The following CR2 variants were observed in gnomAD, a reference collection of about 807,000 sequenced individuals.
CR2 encodes complement receptor type 2.
Under a neutral mutation model 123.0 loss-of-function variants are expected in CR2, and 96 were observed. That is an observed-to-expected ratio of 0.78 (90% CI 0.66 to 0.93). The LOEUF is 0.93. Ranked by LOEUF, CR2 falls within the 40% of genes least tolerant of loss-of-function variation. CR2 has a pLI of 0.00. For missense variants in CR2, 1,258 were observed against 1,361.0 expected, an observed-to-expected ratio of 0.92 and a Z score of 1.19; for synonymous variants, 484 against 469.5, an observed-to-expected ratio of 1.03 and a Z score of -0.40.
rs1658335489 is a variant in CR2, at chr1:207,473,173, G to A, written c.1972G>A (p.Glu658Lys). 1.2e-6 allele frequency: 2 copies of A among 1,613,498 alleles called. No homozygotes were observed. The highest frequency in any genetic ancestry group is 8.5e-7 in the Non-Finnish European group (1 of 1,179,838). Residue 658 changes from glutamate to lysine, a missense_variant, in exon 10 of 20, where the codon GAA (glutamate) becomes AAA (lysine). Glu to Lys is a moderately conservative substitution (Grantham distance 56). Coordinates refer to ENST00000367057, the MANE Select transcript of CR2 (RefSeq NM_001006658.3). Reference sequence around the variant, plus strand: ...CTGGGATCCTGAAATACCAGTTTGTGAAAAAGGTAAAAACCCAATAAGGGG... The same window carrying A: ...CTGGGATCCTGAAATACCAGTTTGTAAAAAAGGTAAAAACCCAATAAGGGG... ...NTWDPEIPVC[E>K]KGCQSPPGLH...
Position 207,473,046 on chromosome 1 carries a change from C to T in CR2, c.1845C>T (p.Gly615=). 1 of 1,613,972 alleles carries T rather than the reference C, an allele frequency of 6.2e-7. No individual in the cohort carries two copies. The highest frequency in any genetic ancestry group is 1.1e-5 in the South Asian group (1 of 91,078). ...TTGCAAATGGATACAAGATATCTGG[C>T]AAGGAAGCCCCATATTTCTACAATG... ...VHIANGYKIS[G]KEAPYFYNDT... is the part of the protein sequence containing the mutation. Residue 615 remains glycine, a synonymous_variant, in exon 10 of 20, where the codon GGC becomes GGT. Coordinates refer to ENST00000367057, the MANE Select transcript of CR2 (RefSeq NM_001006658.3).
At chr1:207,476,546 T>A in intron 15 of CR2, 127 bp downstream of exon 15, 1 of 803,458 alleles carries the variant, frequency 1.2e-6, no homozygotes, top group Non-Finnish European at 2.0e-6. Flanking sequence ...TTAAAGGCTT[T>A]AATTAGATTA....
At position 207,468,841 on chromosome 1, in the gene CR2, G is replaced by C; in HGVS notation, c.676G>C (p.Val226Leu). 1 of 1,614,032 alleles carries C rather than the reference G, an allele frequency of 6.2e-7. No homozygotes were observed. The highest frequency in any genetic ancestry group is 1.1e-5 in the South Asian group (1 of 91,086). ...KSLGRFPNGK[V>L]KEPPILRVGV... ...TCTAGGACGATTTCCCAATGGGAAG[G>C]TAAAGGAGCCTCCAATTCTCCGGGT... Residue 226 changes from valine to leucine, a missense_variant, in exon 4 of 20, where the codon GTA (valine) becomes CTA (leucine). Coordinates refer to ENST00000367057, the MANE Select transcript of CR2 (RefSeq NM_001006658.3).
rs1658244060 is a variant in CR2 at position 207,470,657 on chromosome 1, A to G, written c.1226-83A>G. ...GCTGACGCCAGAGTGGAATTATAGC[A>G]TGAATATCAATTTCTTTGGCTCAGT... On this transcript the variant is annotated intron_variant, in intron 6 of 19. Coordinates refer to ENST00000367057, the MANE Select transcript of CR2 (RefSeq NM_001006658.3). The G allele has an allele frequency of 2.2e-6, 3 of 1,345,030 alleles. No homozygotes were observed. In the East Asian group the frequency reaches 6.9e-5, roughly 31 times the overall value. The allele number at this position is 1,345,030 out of a possible 1,614,324, so 83.3% of individuals were successfully genotyped here.
At chr1:207,458,974 A>T (rs1490157617) in intron 1 of CR2, among the ~76,000 whole-genome samples, 1 of 152,052 alleles carries the variant, frequency 6.6e-6, no homozygotes, top group Non-Finnish European at 1.5e-5. Context: ...CTAAAAAAAA[A>T]AGATATTTGT....
chr1:207,462,314 C>A (rs1226901884), intron 1 of CR2, among the ~76,000 whole-genome samples: 1 of 152,012 alleles, frequency 6.6e-6, no homozygotes, highest in East Asian at 1.9e-4. Context: ...ATAAATGCTA[C>A]CTAGAAGAAT....
chr1:207,474,277 A>G lies in CR2; in HGVS notation c.2277A>G (p.Gln759=). The G allele has an allele frequency of 6.2e-7, 1 of 1,613,648 alleles. No individual in the cohort carries two copies. Among genetic ancestry groups the G allele is most frequent in the Non-Finnish European group, 8.5e-7 (1 of 1,179,626 alleles). ...CTGGACATGCTTATCAGATGTGTCAAGATGCTGAAAATGGAATTTGGTTCA... is the reference window on the plus strand; with the variant it reads ...CTGGACATGCTTATCAGATGTGTCAGGATGCTGAAAATGGAATTTGGTTCA... ...QLTGHAYQMC[Q]DAENGIWFKK... is the part of the protein sequence containing the mutation. The change falls in exon 13 of 20, where the codon CAA becomes CAG. Residue 759 remains glutamine, a synonymous_variant. Coordinates refer to ENST00000367057, the MANE Select transcript of CR2 (RefSeq NM_001006658.3).
chr1:207,458,121 C>G (rs1238787421), intron 1 of CR2, among the ~76,000 whole-genome samples: 1 of 142,098 alleles, frequency 7.0e-6, no homozygotes, highest in Non-Finnish European at 1.5e-5. Context: ...GCTTTCCATC[C>G]TCAGAACAGG....
intron 10 of CR2, 38 bp downstream of exon 10, chr1:207,473,217 C>T: frequency 6.2e-7 from 1 of 1,606,906 alleles, no homozygotes; most frequent in South Asian, 1.1e-5. Context: ...GAGAGATTTA[C>T]TTAATTATTC....
rs1658214194 is a variant in CR2, at chr1:207,469,859, G to C, written c.982G>C (p.Asp328His). 1 of 1,614,002 alleles carries C rather than the reference G, an allele frequency of 6.2e-7. No homozygotes were observed. Among genetic ancestry groups the C allele is most frequent in the Non-Finnish European group, 8.5e-7 (1 of 1,179,956 alleles). ...AGAGAGCACTCTCCGTTGTACAGTTGATAGTCAGAAGACTGGGACCTGGAG... is the reference window on the plus strand; with the variant it reads ...AGAGAGCACTCTCCGTTGTACAGTTCATAGTCAGAAGACTGGGACCTGGAG... ...IGESTLRCTV[D>H]SQKTGTWSGP... Residue 328 changes from aspartate (D) to histidine (H), a missense_variant, in exon 6 of 20, where the codon GAT (aspartate) becomes CAT (histidine). Transcript: ENST00000367057.
Position 207,462,045 on chromosome 1 carries a change from G to A in CR2, c.59-4481G>A, listed in dbSNP as rs146134620. ...TGGTATCCATACTGTGTTAGGGTGAGGTTAGAAGTTAGAGACAAGAGATGT... is the reference window on the plus strand; with the variant it reads ...TGGTATCCATACTGTGTTAGGGTGAAGTTAGAAGTTAGAGACAAGAGATGT... On this transcript the variant is annotated intron_variant, in intron 1 of 19. Coordinates refer to ENST00000367057, the MANE Select transcript of CR2 (RefSeq NM_001006658.3). Among the ~76,000 whole-genome samples, 695 of 152,108 alleles carry A rather than the reference G, an allele frequency of 4.6e-3. 3 individuals carry two copies. The highest frequency in any genetic ancestry group is 0.012 in the African/African-American group (498 of 41,480).
In CR2 at chr1:207,468,691, A is replaced by G. The variant is rs1439521722; in HGVS notation, c.610A>G (p.Ser204Gly). 4.3e-6 allele frequency: 7 copies of G among 1,613,906 alleles called. No homozygotes were observed. Among genetic ancestry groups the G allele is most frequent in the Non-Finnish European group, 5.9e-6 (7 of 1,179,938 alleles). Residue 204 changes from serine (S) to glycine (G), a missense_variant, in exon 3 of 20, where the codon AGT becomes GGT. Physicochemically the swap from Ser to Gly is moderately conservative, Grantham distance 56. Transcript: ENST00000367057. Reference sequence around the variant, plus strand: ...TAACTGTTTGTCTTCGGGAAAATGGAGTGCTGTCCCCCCCACATGTGAAGG... The same window carrying G: ...TAACTGTTTGTCTTCGGGAAAATGGGGTGCTGTCCCCCCCACATGTGAAGG... Reference protein sequence around the residue: ...IINCLSSGKWSAVPPTCEEAR... With the variant: ...IINCLSSGKWGAVPPTCEEAR...
chr1:207,479,300 T>A lies in CR2; in HGVS notation c.3112+20T>A. 1 of 1,564,848 alleles carries A rather than the reference T, an allele frequency of 6.4e-7. No individual in the cohort carries two copies. Among genetic ancestry groups the A allele is most frequent in the Non-Finnish European group, 8.8e-7 (1 of 1,136,918 alleles). ...TTTGTGGTAAGTCTTCTTAAATACT[T>A]GAAGAAAAGCTCTTATAATATTTTT... On this transcript the variant is annotated intron_variant, in intron 17 of 19. Coordinates refer to ENST00000367057, the MANE Select transcript of CR2 (RefSeq NM_001006658.3).
In CR2 at chr1:207,473,088, G is replaced by C; in HGVS notation, c.1887G>C (p.Lys629Asn). The part of the protein sequence containing the change: ...PYFYNDTVTF[K>N]CYSGFTLKGS... ...TCTACAATGACACTGTGACATTCAA[G>C]TGTTATAGTGGATTTACTTTGAAGG... Residue 629 changes from lysine to asparagine, a missense_variant, in exon 10 of 20, where the codon AAG becomes AAC. Transcript: ENST00000367057. The C allele has an allele frequency of 2.2e-5, 35 of 1,613,982 alleles. No individual in the cohort carries two copies. The highest frequency in any genetic ancestry group is 2.9e-5 in the Non-Finnish European group (34 of 1,179,910).
chr1:207,468,913 T>C lies in CR2; in HGVS notation c.734+14T>C, dbSNP rs1440470956. The C allele has an allele frequency of 1.2e-6, 2 of 1,611,254 alleles. No individual in the cohort carries two copies. The highest frequency in any genetic ancestry group is 8.5e-7 in the Non-Finnish European group (1 of 1,177,608). ...CTGTGATGAAGGGTGAGTGTCAGGA[T>C]TATTTATGAGATTTAATTCATTTGT... On this transcript the variant is annotated intron_variant, in intron 4 of 19. Transcript: ENST00000367057.
chr1:207,462,181 CT>C (rs1657983088), intron 1 of CR2, among the ~76,000 whole-genome samples: 1 of 152,086 alleles, frequency 6.6e-6, no homozygotes, highest in Non-Finnish European at 1.5e-5. Context: ...AAAAATGAAT[CT>C]GATAGTCTTT....
chr1:207,480,563 G>A (rs550921891), intron 18 of CR2, among the ~76,000 whole-genome samples: 1 of 152,186 alleles, frequency 6.6e-6, no homozygotes, highest in East Asian at 1.9e-4. Context: ...TATAAAGATA[G>A]GAGTAGCACC....
rs1658256488 is a variant in CR2, at chr1:207,470,892, A to T, written c.1378A>T (p.Thr460Ser). 6.2e-7 allele frequency: 1 copy of T among 1,613,656 alleles called. No homozygotes were observed. Among genetic ancestry groups the T allele is most frequent in the Admixed American group, 1.7e-5 (1 of 59,952 alleles). ...SIQCTSEGVW[T>S]PPVPQCKVAA... is the part of the protein sequence containing the mutation. ...ACAGTGTACCTCTGAGGGGGTGTGG[A>T]CACCCCCTGTACCCCAATGCAAAGG... is the stretch of plus-strand genomic sequence containing the variant. The change falls in exon 7 of 20, where the codon ACA becomes TCA. Residue 460 changes from threonine to serine, a missense_variant. Physicochemically the swap from Thr to Ser is moderately conservative, Grantham distance 58. Coordinates refer to ENST00000367057, the MANE Select transcript of CR2 (RefSeq NM_001006658.3).
chr1:207,471,755 T>C (rs1658288876), intron 9 of CR2: 1 of 415,430 alleles, frequency 2.4e-6, no homozygotes, highest in African/African-American at 2.1e-5. Flanking sequence ...GGTGAGTATA[T>C]GAGCCACCAT....
Sources: gnomAD v4.1 joint callset for allele counts (sites outside exome capture counted in the v4.1 genomes callset) on GRCh38, gnomAD v4.1.1 for gene constraint, MANE v1.5 for transcripts, NCBI Gene and HGNC (gene_info 2026-07-23, HGNC 2026-07-21) for gene names.